The following ASAP2 variants were observed in gnomAD, a reference collection of about 807,000 sequenced individuals.
The protein encoded by ASAP2 is ArfGAP with SH3 domain, ankyrin repeat and PH domain 2.
Under a neutral mutation model 131.4 loss-of-function variants are expected in ASAP2, and 45 were observed. That is an observed-to-expected ratio of 0.34 (90% CI 0.27 to 0.44). ASAP2 has a LOEUF of 0.44. ASAP2 is among the 20% of genes least tolerant of loss of function. ASAP2 has a pLI of 1.00. For missense variants in ASAP2, 1,011 were observed against 1,297.0 expected (o/e 0.78, Z 3.39); for synonymous variants, 510 against 503.0 (o/e 1.01, Z -0.19).
At chr2:9,297,198 C>T in intron 2 of ASAP2, 102 bp from the exon 3 acceptor site, 1 of 1,389,120 alleles carries the variant, frequency 7.2e-7, no homozygotes, top group Non-Finnish European at 9.7e-7. Flanking sequence ...TCAGATTTTT[C>T]TTCTGCTGAT....
chr2:9,377,102 A>C, intron 18 of ASAP2, 109 bp downstream of exon 18: 1 of 931,844 alleles, frequency 1.1e-6, no homozygotes, highest in South Asian at 1.5e-5. Context: ...GAACCTTCCC[A>C]GTTCTAAACA....
rs35913703 is a variant in ASAP2, at chr2:9,270,785, A to ATTTTTTTTTTT, written c.127-8517_127-8507dup. The stretch of plus-strand genomic sequence containing the variant: ...AGTCTCCATGAGTTCAATTGTTTTC[A>ATTTTTTTTTTT]TTTTTTTTTTTTTTTTTTTTTTTTT... On this transcript the variant is annotated intron_variant, in intron 1 of 27. Coordinates refer to ENST00000281419, the MANE Select transcript of ASAP2 (RefSeq NM_003887.3). Among the ~76,000 whole-genome samples the ATTTTTTTTTTT allele has an allele frequency of 9.4e-5, 5 of 52,922 alleles. 1 individual carries two copies. Among genetic ancestry groups the ATTTTTTTTTTT allele is most frequent in the East Asian group, 4.9e-4 (1 of 2,036 alleles). The allele number at this position is 52,922 out of a possible 152,430, so 34.7% of individuals were successfully genotyped here. A position where few individuals can be genotyped will look rare whatever the true frequency, so the allele number is the denominator to read the frequency against.
At chr2:9,385,500 G>A (rs1675194086) in intron 21 of ASAP2, 142 bp downstream of exon 21, 3 of 680,742 alleles carry the variant, frequency 4.4e-6, no homozygotes, top group Middle Eastern at 2.5e-4. Flanking sequence ...ATCTCAGTAG[G>A]CTCTTGGTTT....
chr2:9,366,115 T>C (rs1302137043), intron 15 of ASAP2, among the ~76,000 whole-genome samples: 1 of 152,092 alleles, frequency 6.6e-6, no homozygotes, highest in South Asian at 2.1e-4. Context: ...TGCTTTGCTT[T>C]TGTCGATGGG....
intron 1 of ASAP2, among the ~76,000 whole-genome samples, chr2:9,252,907 T>A (rs1372417676): frequency 8.7e-6 from 1 of 114,748 alleles, no homozygotes; most frequent in East Asian, 2.3e-4. Flanking sequence ...AAAGCGAGAC[T>A]CCGTCTCAAA....
chr2:9,390,913 T>TTCTC, intron 22 of ASAP2, 149 bp from the exon 23 acceptor site: 1 of 1,169,720 alleles, frequency 8.5e-7, no homozygotes, highest in South Asian at 1.4e-5. Context: ...GAGACAGGAG[T>TTCTC]AAAAGCATTG....
chr2:9,218,050 A>G (rs1256098476), intron 1 of ASAP2, among the ~76,000 whole-genome samples: 1 of 152,106 alleles, frequency 6.6e-6, no homozygotes, highest in Non-Finnish European at 1.5e-5. Flanking sequence ...GGTTAGTCCT[A>G]TAGTGACATG....
chr2:9,305,507 T>C (rs1283606817), intron 3 of ASAP2, among the ~76,000 whole-genome samples: 10 of 140,594 alleles, frequency 7.1e-5, no homozygotes, highest in African/African-American at 1.9e-4. Flanking sequence ...GCTGTAGTAG[T>C]GGGGTATAGA....
chr2:9,358,983 G>C, intron 15 of ASAP2, 94 bp downstream of exon 15: 2 of 1,413,920 alleles, frequency 1.4e-6, no homozygotes, highest in Admixed American at 2.1e-5. Context: ...TAAGCTAGTG[G>C]TTGTTGATAT....
intron 12 of ASAP2, among the ~76,000 whole-genome samples, chr2:9,353,022 G>A (rs1446716184): frequency 6.6e-6 from 1 of 152,172 alleles, no homozygotes; most frequent in African/African-American, 2.4e-5. Context: ...AAAATGGTTT[G>A]TGCAGGGGTA....
At chr2:9,238,125 T>C (rs755943396) in intron 1 of ASAP2, among the ~76,000 whole-genome samples, 3 of 152,228 alleles carry the variant, frequency 2.0e-5, no homozygotes, top group Non-Finnish European at 4.4e-5. Flanking sequence ...TTACTAACAC[T>C]GTTAGCTGAC....
intron 2 of ASAP2, among the ~76,000 whole-genome samples, chr2:9,295,967 A>T (rs13424046): frequency 0.35 from 52,570 of 151,958 alleles, 9,340 homozygotes; most frequent in African/African-American, 0.39. Flanking sequence ...TCGTTTTCCC[A>T]CATTGTCAGG....
chr2:9,348,399 A>G (rs111757593), intron 11 of ASAP2, among the ~76,000 whole-genome samples: 14 of 152,364 alleles, frequency 9.2e-5, no homozygotes, highest in Non-Finnish European at 1.9e-4. Context: ...TGCTGGGATT[A>G]CAGGCGTGAG....
intron 1 of ASAP2, among the ~76,000 whole-genome samples, chr2:9,270,784 C>CTTTTTTTTTTTTTTTTTT (rs1666294703): frequency 2.9e-5 from 2 of 69,738 alleles, no homozygotes; most frequent in African/African-American, 5.1e-5. Context: ...CAATTGTTTT[C>CTTTTTTTTTTTTTTTTTT]ATTTTTTTTT....
intron 17 of ASAP2, among the ~76,000 whole-genome samples, chr2:9,375,699 G>A (rs1674351469): frequency 6.6e-6 from 1 of 152,182 alleles, no homozygotes; most frequent in East Asian, 1.9e-4. Context: ...AAAATGTAAT[G>A]CCAGCTCTGG....
intron 6 of ASAP2, among the ~76,000 whole-genome samples, chr2:9,325,560 A>G (rs1451524589): frequency 1.3e-5 from 2 of 152,236 alleles, no homozygotes; most frequent in Non-Finnish European, 2.9e-5. Context: ...TAAAATGCGT[A>G]CTGAATTTTG....
At chr2:9,351,360 A>G (rs1672319312) in intron 12 of ASAP2, among the ~76,000 whole-genome samples, 1 of 152,236 alleles carries the variant, frequency 6.6e-6, no homozygotes, top group Non-Finnish European at 1.5e-5. Context: ...CACCACAGGA[A>G]TAGTCTTTCT....
intron 1 of ASAP2, among the ~76,000 whole-genome samples, chr2:9,221,442 A>G (rs982256032): frequency 6.6e-6 from 1 of 151,182 alleles, no homozygotes; most frequent in Non-Finnish European, 1.5e-5. Context: ...GGCATGAGCC[A>G]CTGCACCTGG....
intron 17 of ASAP2, among the ~76,000 whole-genome samples, chr2:9,375,882 T>A (rs1481707837): frequency 6.6e-6 from 1 of 152,136 alleles, no homozygotes; most frequent in Non-Finnish European, 1.5e-5. Flanking sequence ...TCAGAGGGAA[T>A]AGAGTAGGAG....
Sources: gnomAD v4.1 joint callset for allele counts (sites outside exome capture counted in the v4.1 genomes callset) on GRCh38, gnomAD v4.1.1 for gene constraint, MANE v1.5 for transcripts, NCBI Gene and HGNC (gene_info 2026-07-23, HGNC 2026-07-21) for gene names.